DCP2: variants seen among roughly 807,000 people sequenced by gnomAD.
The protein encoded by DCP2 is decapping mRNA 2, also known as m7GpppN-mRNA hydrolase.
A neutral mutation model predicts 56.1 loss-of-function variants in DCP2; 30 were observed. The observed-to-expected ratio is 0.53, with a 90% CI of 0.40 to 0.73. The LOEUF is 0.73. DCP2 is among the 30% of genes least tolerant of loss of function. The pLI, the probability that DCP2 is intolerant of heterozygous loss-of-function variation, is 0.00. For missense variants in DCP2, 533 were observed against 502.7 expected, an observed-to-expected ratio of 1.06 and a Z score of -0.58; for synonymous variants, 197 against 163.3, an observed-to-expected ratio of 1.21 and a Z score of -1.57.
chr5:112,992,926 G>A (rs1023634321), intron 4 of DCP2, among the ~76,000 whole-genome samples, 156 bp downstream of exon 4: 2 of 149,332 alleles, frequency 1.3e-5, no homozygotes, highest in African/African-American at 2.5e-5. Flanking sequence ...AATCACTGTT[G>A]ATTGTTTTAT....
In DCP2 at chr5:112,990,729, A is replaced by T. The variant is rs143262428; in HGVS notation, c.206-1392A>T. Among the ~76,000 whole-genome samples the T allele has an allele frequency of 8.5e-5, 13 of 152,292 alleles. No homozygotes were observed. The East Asian group carries it at 2.3e-3, about 27-fold the overall frequency. ...AGTGCTAGGGTTACAGGTATGAGCCACCACACCTGGCCAAATTACAGTGTT... is the reference window on the plus strand; with the variant it reads ...AGTGCTAGGGTTACAGGTATGAGCCTCCACACCTGGCCAAATTACAGTGTT... On this transcript the variant is annotated intron_variant, in intron 2 of 10. Transcript: ENST00000389063.
chr5:112,989,530 C>T (rs923387744), intron 2 of DCP2, among the ~76,000 whole-genome samples: 2 of 151,756 alleles, frequency 1.3e-5, no homozygotes, highest in Admixed American at 6.6e-5. Context: ...GTATTTTAGA[C>T]TAAATGGGAA....
rs985618783 is a variant in DCP2, at chr5:113,019,490, A to G, written c.*6006A>G. The G allele has an allele frequency of 6.6e-6, 1 of 152,186 alleles. No individual in the cohort carries two copies. The highest frequency in any genetic ancestry group is 1.5e-5 in the Non-Finnish European group (1 of 68,020). 9.4% of individuals were successfully genotyped at this position (152,186 alleles called of 1,614,324 possible). A position where few individuals can be genotyped will look rare whatever the true frequency, so the allele number is the denominator to read the frequency against. The stretch of plus-strand genomic sequence containing the variant: ...TTTTAGGTTTGTGTTAGGATGTTGC[A>G]CAAGTAATCATTTAATGTTAAATGC... On this transcript the variant is annotated 3_prime_UTR_variant, in exon 11 of 11. Transcript: ENST00000389063.
chr5:113,008,026 A>G lies in DCP2; in HGVS notation c.1031A>G (p.Gln344Arg), dbSNP rs772176407. The G allele has an allele frequency of 3.7e-6, 6 of 1,613,976 alleles. No homozygotes were observed. The South Asian group carries it at 4.4e-5, about 12-fold the overall frequency. Residue 344 changes from glutamine to arginine, a missense_variant, in exon 9 of 11, where the codon CAG (glutamine) becomes CGG (arginine). Coordinates refer to ENST00000389063, the MANE Select transcript of DCP2 (RefSeq NM_152624.6). The part of the protein sequence containing the change: ...KRTNGLQPAK[Q>R]QNSLMKCEKK... ...ACAAATGGGCTTCAGCCAGCAAAGC[A>G]GCAGAATTCTTTGATGGTAAGAGTT...
intron 8 of DCP2, among the ~76,000 whole-genome samples, chr5:113,006,265 A>T (rs189132278): frequency 7.2e-4 from 109 of 152,336 alleles, no homozygotes; most frequent in African/African-American, 2.5e-3. Context: ...TCATAGAGAC[A>T]CAAAGTAGAG....
intron 2 of DCP2, among the ~76,000 whole-genome samples, chr5:112,987,223 C>G (rs545327008): frequency 6.6e-6 from 1 of 152,222 alleles, no homozygotes; most frequent in East Asian, 1.9e-4. Flanking sequence ...TTAGGGAAAG[C>G]TATATTTTTG....
At chr5:112,984,014 A>G (rs1748130813) in intron 1 of DCP2, 1 of 152,316 alleles carries the variant, frequency 6.6e-6, no homozygotes, top group South Asian at 2.1e-4. Context: ...GAAGTGAATT[A>G]AGGAGGATGA....
chr5:112,996,136 T>G (rs1748836530), intron 4 of DCP2, among the ~76,000 whole-genome samples: 1 of 152,204 alleles, frequency 6.6e-6, no homozygotes. Context: ...GGGACATAAT[T>G]TAGTCCATAG....
intron 2 of DCP2, among the ~76,000 whole-genome samples, chr5:112,991,254 C>A (rs10515453): frequency 3.3e-5 from 5 of 151,962 alleles, no homozygotes; most frequent in Non-Finnish European, 7.4e-5. Context: ...ATTGAGAACC[C>A]TTAAAAGTAT....
In DCP2 at chr5:113,022,186, T is replaced by C. The variant is rs1379800097; in HGVS notation, c.*8702T>C. The C allele has an allele frequency of 2.0e-5, 3 of 152,498 alleles. No individual in the cohort carries two copies. Among genetic ancestry groups the C allele is most frequent in the Non-Finnish European group, 4.4e-5 (3 of 68,040 alleles). 9.4% of individuals were successfully genotyped at this position (152,498 alleles called of 1,614,324 possible). On this transcript the variant is annotated 3_prime_UTR_variant, in exon 11 of 11. Coordinates refer to ENST00000389063, the MANE Select transcript of DCP2 (RefSeq NM_152624.6). The stretch of plus-strand genomic sequence containing the variant: ...TCTCTGTATAAATAAATGGAGTTTT[T>C]AAAAAACAATTCTATATCAAATAAC...
chr5:113,002,228 G>A (rs1267900487), intron 7 of DCP2, among the ~76,000 whole-genome samples: 1 of 152,218 alleles, frequency 6.6e-6, no homozygotes, highest in East Asian at 1.9e-4. Context: ...TTCAAGACCA[G>A]CCTGGTCAGC....
chr5:113,005,155 T>TGTGTGTGTGTGTGG (rs1554101217), intron 8 of DCP2, among the ~76,000 whole-genome samples: 1 of 150,054 alleles, frequency 6.7e-6, no homozygotes, highest in African/African-American at 2.4e-5. Flanking sequence ...CGTGTGGGTG[T>TGTGTGTGTGTGTGG]GTGTGTGTGT....
rs1749785174 is a variant in DCP2, at chr5:113,014,000, C to A, written c.*516C>A. ...CTCTCTGCTTCTAACCACTGAGGCT[C>A]TCTAATCTTCCTCTGGAGTTTTAGT... On this transcript the variant is annotated 3_prime_UTR_variant, in exon 11 of 11. Transcript: ENST00000389063. The A allele has an allele frequency of 6.6e-6, 1 of 152,538 alleles. No homozygotes were observed. The highest frequency in any genetic ancestry group is 2.1e-4 in the South Asian group (1 of 4,836). The allele number at this position is 152,538 out of a possible 1,614,324, so 9.4% of individuals were successfully genotyped here. A position where few individuals can be genotyped will look rare whatever the true frequency, so the allele number is the denominator to read the frequency against.
At position 113,021,744 on chromosome 5, in the gene DCP2, A is replaced by C. The variant is rs1750149775; in HGVS notation, c.*8260A>C. Among the ~76,000 whole-genome samples the C allele has an allele frequency of 2.0e-5, 3 of 152,166 alleles. No individual in the cohort carries two copies. Among genetic ancestry groups the C allele is most frequent in the Admixed American group, 2.0e-4 (3 of 15,282 alleles). On this transcript the variant is annotated 3_prime_UTR_variant, in exon 11 of 11. Coordinates refer to ENST00000389063, the MANE Select transcript of DCP2 (RefSeq NM_152624.6). The stretch of plus-strand genomic sequence containing the variant: ...CATAGTGAAAACTTGAGAACATTGT[A>C]ATCTTTCTCTAACAGATGTGTTGCA...
chr5:112,978,797 C>A (rs1402642342), intron 1 of DCP2, among the ~76,000 whole-genome samples: 1 of 151,658 alleles, frequency 6.6e-6, no homozygotes. Context: ...TTTTTGTTTC[C>A]AATATTTTTT....
At chr5:113,003,488 A>G (rs749075273) in intron 7 of DCP2, among the ~76,000 whole-genome samples, 11 of 152,136 alleles carry the variant, frequency 7.2e-5, no homozygotes, top group Middle Eastern at 3.4e-3. Flanking sequence ...AGGTGAGAGG[A>G]TGGCTCGAGC....
intron 10 of DCP2, among the ~76,000 whole-genome samples, chr5:113,011,969 C>A (rs535610658): frequency 1.3e-5 from 2 of 152,278 alleles, no homozygotes; most frequent in South Asian, 4.1e-4. Context: ...TCTATTATTT[C>A]TCCTCATTAG....
In DCP2 at chr5:113,001,570, A is replaced by G. The variant is rs1275004002; in HGVS notation, c.702A>G (p.Pro234=). Residue 234 remains proline, a synonymous_variant, in exon 7 of 11, where the codon CCA becomes CCG. Transcript: ENST00000389063. The part of the protein sequence containing the change: ...KFFMAIPFIR[P]LRDWLSRRFG... ...TGAATTCTTAATGTTTCTGCAGACC[A>G]TTAAGGGACTGGCTTTCTCGAAGAT... is the stretch of plus-strand genomic sequence containing the variant. The G allele has an allele frequency of 4.3e-6, 7 of 1,614,034 alleles. No individual in the cohort carries two copies. The highest frequency in any genetic ancestry group is 1.1e-5 in the South Asian group (1 of 91,090).
Position 112,997,059 on chromosome 5 carries a change from A to T in DCP2, c.433-4025A>T, listed in dbSNP as rs538876832. Among the ~76,000 whole-genome samples the T allele has an allele frequency of 1.5e-3, 232 of 152,346 alleles. 1 individual carries two copies. Among genetic ancestry groups the T allele is most frequent in the African/African-American group, 5.4e-3 (224 of 41,592 alleles). On this transcript the variant is annotated intron_variant, in intron 4 of 10. Coordinates refer to ENST00000389063, the MANE Select transcript of DCP2 (RefSeq NM_152624.6). Reference sequence around the variant, plus strand: ...AGGTTAAAGCAGAGGGGACTTCCTTATCATGCTAACTGAAACTGGTCTGTT... The same window carrying T: ...AGGTTAAAGCAGAGGGGACTTCCTTTTCATGCTAACTGAAACTGGTCTGTT...
Sources: allele counts gnomAD v4.1 joint callset (sites outside exome capture counted in the v4.1 genomes callset), GRCh38; gene constraint gnomAD v4.1.1; transcripts MANE v1.5; gene names NCBI Gene and HGNC (gene_info 2026-07-23, HGNC 2026-07-21).